Variants in MAPKAPK3 observed in about 807,000 individuals in gnomAD.
The protein encoded by MAPKAPK3 is MAPK activated protein kinase 3, also known as MAP kinase-activated protein kinase 3.
MAPKAPK3 carries 35 observed loss-of-function variants against 49.2 expected under a neutral mutation model. That is an observed-to-expected ratio of 0.71 (90% CI 0.54 to 0.94). MAPKAPK3 has a LOEUF of 0.94. Ranked by LOEUF, MAPKAPK3 falls within the 40% of genes least tolerant of loss-of-function variation. MAPKAPK3 has a pLI of 0.00. For missense variants in MAPKAPK3, 398 were observed against 493.1 expected (o/e 0.81, Z 1.83); for synonymous variants, 178 against 188.7 (o/e 0.94, Z 0.46).
chr3:50,629,665 G>A (rs1385738777), intron 2 of MAPKAPK3, among the ~76,000 whole-genome samples: 1 of 152,144 alleles, frequency 6.6e-6, no homozygotes, highest in Non-Finnish European at 1.5e-5. Context: ...CCTGGTCTGG[G>A]GCACTGGGAC....
intron 3 of MAPKAPK3, among the ~76,000 whole-genome samples, chr3:50,641,031 T>C (rs1188556381): frequency 6.6e-6 from 1 of 152,190 alleles, no homozygotes; most frequent in African/African-American, 2.4e-5. Flanking sequence ...GATTTGGGGT[T>C]CAGATCCTGC....
chr3:50,641,957 C>G (rs1432378268), intron 4 of MAPKAPK3, among the ~76,000 whole-genome samples, 186 bp downstream of exon 4: 1 of 152,212 alleles, frequency 6.6e-6, no homozygotes, highest in Non-Finnish European at 1.5e-5. Context: ...AACTTGGACT[C>G]TCTATGGCTT....
rs577923066 is a variant in MAPKAPK3, at chr3:50,617,398, G to C, written c.-52-116G>C. ...TGCTGCACGTCTGTACTCTCAGGCC[G>C]TTCGTCCCGCACTCCCAGCTTGCCC... On this transcript the variant is annotated intron_variant, in intron 1 of 10. Coordinates refer to ENST00000621469, the MANE Select transcript of MAPKAPK3 (RefSeq NM_001243925.2). 399 of 578,732 alleles carry C rather than the reference G, an allele frequency of 6.9e-4. 4 individuals carry two copies. The highest frequency in any genetic ancestry group is 6.3e-3 in the African/African-American group (336 of 53,692). 35.8% of individuals were successfully genotyped at this position (578,732 alleles called of 1,614,324 possible).
At chr3:50,625,414 G>C (rs71326939) in intron 2 of MAPKAPK3, among the ~76,000 whole-genome samples, 2 of 152,094 alleles carry the variant, frequency 1.3e-5, no homozygotes, top group African/African-American at 2.4e-5. Context: ...CCTCCTGCCC[G>C]TTTGGAACTA....
chr3:50,612,259 A>T (rs1319394933), upstream of MAPKAPK3: 2 of 151,678 alleles, frequency 1.3e-5, no homozygotes, highest in African/African-American at 2.4e-5. Flanking sequence ...TCGCGGTGGA[A>T]CTCGTGGCAG....
chr3:50,614,311 T>C (rs993196681), upstream of MAPKAPK3, among the ~76,000 whole-genome samples: 1 of 152,154 alleles, frequency 6.6e-6, no homozygotes, highest in Non-Finnish European at 1.5e-5. Flanking sequence ...CCATAGATTC[T>C]TCTCTTCTAG....
At chr3:50,646,957 G>A (rs901476093) in intron 9 of MAPKAPK3, 132 bp downstream of exon 9, 7 of 1,036,844 alleles carry the variant, frequency 6.8e-6, no homozygotes, top group Non-Finnish European at 1.0e-5. Flanking sequence ...GTAGATACTA[G>A]GGCCTCACCT....
At chr3:50,640,050 G>A (rs1359766739) in intron 2 of MAPKAPK3, among the ~76,000 whole-genome samples, 1 of 152,154 alleles carries the variant, frequency 6.6e-6, no homozygotes, top group African/African-American at 2.4e-5. Context: ...TTAGAGTGGG[G>A]TTATAAAACC....
chr3:50,625,077 T>C (rs1012841597), intron 2 of MAPKAPK3, among the ~76,000 whole-genome samples: 2 of 152,168 alleles, frequency 1.3e-5, no homozygotes, highest in African/African-American at 4.8e-5. Context: ...CCCAAGTGAC[T>C]TTGGACTAAA....
intron 2 of MAPKAPK3, among the ~76,000 whole-genome samples, chr3:50,634,138 T>C (rs573078813): frequency 6.6e-5 from 10 of 152,282 alleles, no homozygotes; most frequent in African/African-American, 2.4e-4. Context: ...AACCAGTATA[T>C]CAGAGCCTGA....
chr3:50,637,230 G>T (rs1453267860), intron 2 of MAPKAPK3, among the ~76,000 whole-genome samples: 1 of 152,118 alleles, frequency 6.6e-6, no homozygotes, highest in African/African-American at 2.4e-5. Flanking sequence ...TCCTTTGTTT[G>T]CTCGGAAGCC....
intron 2 of MAPKAPK3, among the ~76,000 whole-genome samples, chr3:50,626,221 C>T (rs191602576): frequency 6.6e-6 from 1 of 152,260 alleles, no homozygotes; most frequent in Non-Finnish European, 1.5e-5. Flanking sequence ...GTTCCCTAGC[C>T]ACAGTGAGGT....
intron 2 of MAPKAPK3, among the ~76,000 whole-genome samples, chr3:50,629,803 C>A (rs576708511): frequency 6.6e-6 from 1 of 152,340 alleles, no homozygotes; most frequent in South Asian, 2.1e-4. Flanking sequence ...GCCTTTGTTT[C>A]CAGGTTGTCT....
chr3:50,641,610 A>G, intron 3 of MAPKAPK3, 97 bp from the exon 4 acceptor site: 1 of 945,978 alleles, frequency 1.1e-6, no homozygotes, highest in South Asian at 1.3e-5. Flanking sequence ...GGAGCGGAGC[A>G]GCAGGGTCTG....
At chr3:50,617,344 T>G in intron 1 of MAPKAPK3, 103 bp downstream of exon 1, 1 of 485,764 alleles carries the variant, frequency 2.1e-6, no homozygotes, top group Non-Finnish European at 3.7e-6. Context: ...CGGTGCTCGC[T>G]TGTACCCCGC....
intron 2 of MAPKAPK3, among the ~76,000 whole-genome samples, chr3:50,632,226 C>G (rs1263667932): frequency 1.3e-5 from 2 of 152,176 alleles, no homozygotes; most frequent in Non-Finnish European, 2.9e-5. Flanking sequence ...AGAATTTCGT[C>G]CTAGAAAATG....
chr3:50,644,044 G>A (rs916149179), intron 5 of MAPKAPK3, among the ~76,000 whole-genome samples: 2 of 152,094 alleles, frequency 1.3e-5, no homozygotes, highest in South Asian at 2.1e-4. Context: ...GCTGGGTATG[G>A]GACATGTGCT....
chr3:50,645,272 A>G (rs13078014), intron 6 of MAPKAPK3, among the ~76,000 whole-genome samples: 9 of 152,166 alleles, frequency 5.9e-5, no homozygotes, highest in Admixed American at 3.3e-4. Flanking sequence ...CAAAGGCTCC[A>G]TGGATTGGTA....
chr3:50,643,338 ACTGGGTCTTAGAG>A (rs1247693379), intron 5 of MAPKAPK3, among the ~76,000 whole-genome samples: 1 of 152,158 alleles, frequency 6.6e-6, no homozygotes, highest in Non-Finnish European at 1.5e-5. Context: ...TCCTGGGAGG[ACTGGGTCTTAGAG>A]GTCATCTGGA....
Sources: gnomAD v4.1 joint callset for allele counts (sites outside exome capture counted in the v4.1 genomes callset) on GRCh38, gnomAD v4.1.1 for gene constraint, MANE v1.5 for transcripts, NCBI Gene and HGNC (gene_info 2026-07-23, HGNC 2026-07-21) for gene names.